The following TMEM131L variants were observed in gnomAD, a reference collection of about 807,000 sequenced individuals.
The protein encoded by TMEM131L is transmembrane 131 like.
A neutral mutation model predicts 192.2 loss-of-function variants in TMEM131L; 54 were observed. The ratio of observed to expected loss-of-function variants is 0.28; its 90% CI spans 0.23 to 0.35. The LOEUF is 0.35. Ranked by LOEUF, TMEM131L falls within the 10% of genes least tolerant of loss-of-function variation. The pLI, the probability that TMEM131L is intolerant of heterozygous loss-of-function variation, is 1.00. For synonymous variants in TMEM131L, 701 were observed against 704.9 expected, an observed-to-expected ratio of 0.99 and a Z score of 0.09; for missense variants, 1,888 against 1,972.9, an observed-to-expected ratio of 0.96 and a Z score of 0.82.
intron 7 of TMEM131L, among the ~76,000 whole-genome samples, chr4:153,564,573 CT>C (rs1480763695): frequency 2.0e-5 from 3 of 152,070 alleles, no homozygotes; most frequent in African/African-American, 7.2e-5. Flanking sequence ...TTTGGTCCTT[CT>C]TTTTTATTGT....
intron 3 of TMEM131L, among the ~76,000 whole-genome samples, chr4:153,481,884 G>A (rs1311611551): frequency 2.0e-5 from 3 of 151,856 alleles, no homozygotes; most frequent in Non-Finnish European, 4.4e-5. Context: ...GTCTCACTCT[G>A]TCAGCAGGCT....
At chr4:153,578,344 G>A (rs546421645) in intron 7 of TMEM131L, among the ~76,000 whole-genome samples, 41 of 152,114 alleles carry the variant, frequency 2.7e-4, no homozygotes, top group Non-Finnish European at 2.6e-4. Flanking sequence ...TTCAGCCTGG[G>A]CAGTATAACA....
chr4:153,580,968 A>T (rs774972829), intron 8 of TMEM131L, 65 bp downstream of exon 8: 58 of 1,199,480 alleles, frequency 4.8e-5, no homozygotes, highest in Non-Finnish European at 6.4e-5. Flanking sequence ...AAAATAAAAC[A>T]CAAGGCTGGG....
At chr4:153,516,176 A>G (rs1257861910) in intron 3 of TMEM131L, among the ~76,000 whole-genome samples, 2 of 152,134 alleles carry the variant, frequency 1.3e-5, no homozygotes, top group East Asian at 1.9e-4. Context: ...TAATCTTCCC[A>G]TGTCTATATC....
At chr4:153,611,927 A>G (rs1732644589) in intron 25 of TMEM131L, among the ~76,000 whole-genome samples, 2 of 152,208 alleles carry the variant, frequency 1.3e-5, no homozygotes, top group South Asian at 4.1e-4. Context: ...TGTATATACC[A>G]TATTTTGTTT....
chr4:153,621,860 A>T lies in TMEM131L; in HGVS notation c.3859+11A>T. On this transcript the variant is annotated intron_variant, in intron 28 of 34. Coordinates refer to ENST00000409959, the MANE Select transcript of TMEM131L (RefSeq NM_001131007.2). ...CCCAGAGAGAGGCAGGTATGTAATGATACTGAGCTACAAATGGTGCTTCTG... is the reference window on the plus strand; with the variant it reads ...CCCAGAGAGAGGCAGGTATGTAATGTTACTGAGCTACAAATGGTGCTTCTG... The T allele has an allele frequency of 1.9e-6, 3 of 1,612,852 alleles. No homozygotes were observed. The highest frequency in any genetic ancestry group is 2.5e-6 in the Non-Finnish European group (3 of 1,179,220).
intron 17 of TMEM131L, among the ~76,000 whole-genome samples, chr4:153,591,723 A>G (rs1731080586): frequency 6.6e-6 from 1 of 152,176 alleles, no homozygotes; most frequent in South Asian, 2.1e-4. Flanking sequence ...CGTGACATGA[A>G]TTATAATGTA....
intron 3 of TMEM131L, among the ~76,000 whole-genome samples, chr4:153,483,561 G>A (rs1366165903): frequency 2.6e-5 from 4 of 152,088 alleles, no homozygotes; most frequent in East Asian, 3.9e-4. Flanking sequence ...AAAGTGGGGC[G>A]TGGTGATGTG....
chr4:153,559,960 C>A (rs754521210), intron 7 of TMEM131L, among the ~76,000 whole-genome samples: 9 of 152,046 alleles, frequency 5.9e-5, no homozygotes, highest in African/African-American at 1.2e-4. Flanking sequence ...TTGTGCAATG[C>A]CGTTTTCCCT....
chr4:153,632,783 A>C lies in TMEM131L; in HGVS notation c.4273A>C (p.Thr1425Pro). The C allele has an allele frequency of 6.2e-7, 1 of 1,614,122 alleles. No homozygotes were observed. Among genetic ancestry groups the C allele is most frequent in the Non-Finnish European group, 8.5e-7 (1 of 1,180,018 alleles). ...PVCVTSSLNC[T>P]LENGVPCVIQ... ...GTGTGTGACAAGCAGCTTAAACTGC[A>C]CCCTGGAGAACGGCGTGCCTTGTGT... Residue 1425 changes from threonine (T) to proline (P), a missense_variant, in exon 32 of 35, where the codon ACC (threonine) becomes CCC (proline). Transcript: ENST00000409959.
intron 2 of TMEM131L, among the ~76,000 whole-genome samples, chr4:153,472,485 GC>G (rs1476974897): frequency 6.6e-6 from 1 of 152,060 alleles, no homozygotes; most frequent in African/African-American, 2.4e-5. Flanking sequence ...GTTTTATTGA[GC>G]ACATACTGCA....
rs142142788 is a variant in TMEM131L, at chr4:153,626,788, A to G, written c.4124+563A>G. ...TCAGAAAAGAACACCTTATTTCTGAATATAGAAGGAGGAAGCAGTAGTTAT... is the reference window on the plus strand; with the variant it reads ...TCAGAAAAGAACACCTTATTTCTGAGTATAGAAGGAGGAAGCAGTAGTTAT... On this transcript the variant is annotated intron_variant, in intron 30 of 34. Coordinates refer to ENST00000409959, the MANE Select transcript of TMEM131L (RefSeq NM_001131007.2). Among the ~76,000 whole-genome samples, 455 of 152,266 alleles carry G rather than the reference A, an allele frequency of 3.0e-3. 1 individual carries two copies. The highest frequency in any genetic ancestry group is 0.01 in the African/African-American group (431 of 41,558).
chr4:153,616,479 A>G (rs1578873258), intron 26 of TMEM131L, among the ~76,000 whole-genome samples: 1 of 152,220 alleles, frequency 6.6e-6, no homozygotes, highest in South Asian at 2.1e-4. Context: ...ATCTGTCTGT[A>G]TAATACACGT....
intron 3 of TMEM131L, among the ~76,000 whole-genome samples, chr4:153,484,925 C>G (rs1281734872): frequency 6.8e-6 from 1 of 147,646 alleles, no homozygotes; most frequent in Non-Finnish European, 1.5e-5. Context: ...CGAGACCATC[C>G]TGGCTAACAT....
chr4:153,473,393 C>A (rs997317617), intron 2 of TMEM131L, among the ~76,000 whole-genome samples: 1 of 152,142 alleles, frequency 6.6e-6, no homozygotes, highest in African/African-American at 2.4e-5. Flanking sequence ...ATGGTGTGGG[C>A]TGCTGTGTTG....
intron 3 of TMEM131L, among the ~76,000 whole-genome samples, chr4:153,524,997 A>G (rs1735373052): frequency 6.6e-6 from 1 of 152,168 alleles, no homozygotes; most frequent in Admixed American, 6.5e-5. Context: ...CTATCTCTGT[A>G]AGTAGTTTCA....
intron 3 of TMEM131L, among the ~76,000 whole-genome samples, chr4:153,478,161 G>C (rs1256165107): frequency 6.6e-6 from 1 of 152,116 alleles, no homozygotes; most frequent in Non-Finnish European, 1.5e-5. Flanking sequence ...GTTGAGGTCT[G>C]TTCCTCATGT....
At chr4:153,483,797 A>G (rs142156648) in intron 3 of TMEM131L, among the ~76,000 whole-genome samples, 10 of 152,272 alleles carry the variant, frequency 6.6e-5, no homozygotes, top group Non-Finnish European at 1.3e-4. Flanking sequence ...AACCAAACTT[A>G]CATTTCTTTA....
In TMEM131L at chr4:153,602,241, A is replaced by C. The variant is rs753285154; in HGVS notation, c.2356A>C (p.Lys786Gln). 3.7e-6 allele frequency: 6 copies of C among 1,613,666 alleles called. No individual in the cohort carries two copies. The Admixed American group carries it at 1.0e-4, about 27-fold the overall frequency. The change falls in exon 22 of 35, where the codon AAA becomes CAA. Residue 786 changes from lysine (K) to glutamine (Q), a missense_variant. Physicochemically the swap from Lys to Gln is moderately conservative, Grantham distance 53. Coordinates refer to ENST00000409959, the MANE Select transcript of TMEM131L (RefSeq NM_001131007.2). ...TCTTCCTATAACTGTTTCGTCTCTGAAAATTAATGGGTATAACTGCCAAGG... is the reference window on the plus strand; with the variant it reads ...TCTTCCTATAACTGTTTCGTCTCTGCAAATTAATGGGTATAACTGCCAAGG... ...GPLPITVSSL[K>Q]INGYNCQGYG...
Sources: gnomAD v4.1 joint callset for allele counts (sites outside exome capture counted in the v4.1 genomes callset) on GRCh38, gnomAD v4.1.1 for gene constraint, MANE v1.5 for transcripts, NCBI Gene and HGNC (gene_info 2026-07-23, HGNC 2026-07-21) for gene names.